The following EXTL1 variants were observed in gnomAD, a reference collection of about 807,000 sequenced individuals.
EXTL1 encodes exostosin-like 1.
A neutral mutation model predicts 64.6 loss-of-function variants in EXTL1; 43 were observed. That is an observed-to-expected ratio of 0.67 (90% confidence interval 0.52 to 0.86). EXTL1 has a LOEUF of 0.86. EXTL1 is among the 40% of genes least tolerant of loss of function. EXTL1 has a pLI of 0.00. For missense variants in EXTL1, 766 were observed against 879.0 expected, an observed-to-expected ratio of 0.87 and a Z score of 1.62; for synonymous variants, 352 against 360.5, an observed-to-expected ratio of 0.98 and a Z score of 0.27.
In EXTL1 at chr1:26,035,044, G is replaced by C; in HGVS notation, c.1848+40G>C. ...GGATTGGTCGGAACTGGCAGGGATT[G>C]GGCGGGGATGCCGGAGAGGATTCCC... On this transcript the variant is annotated intron_variant, in intron 10 of 10. Transcript: ENST00000374280. The surrounding 1 kb of genome is among the most constrained non-coding windows in gnomAD (Gnocchi z 5.3). 1 of 1,608,874 alleles carries C rather than the reference G, an allele frequency of 6.2e-7. No homozygotes were observed. Among genetic ancestry groups the C allele is most frequent in the Non-Finnish European group, 8.5e-7 (1 of 1,176,054 alleles).
At chr1:26,030,402 G>C in intron 3 of EXTL1, 74 bp from the exon 4 acceptor site, 1 of 1,338,392 alleles carries the variant, frequency 7.5e-7, no homozygotes, top group Non-Finnish European at 1.0e-6. Flanking sequence ...GCACGAATAT[G>C]GCTCACTGCA....
At chr1:26,030,687 A>C (rs7413498) in intron 4 of EXTL1, 92 bp downstream of exon 4, 35 of 1,184,126 alleles carry the variant, frequency 3.0e-5, no homozygotes, top group Admixed American at 1.0e-4. Context: ...TGTTTGGGGA[A>C]CCCCCCCCCC....
At chr1:26,027,689 T>TAAA (rs61364586) in intron 1 of EXTL1, among the ~76,000 whole-genome samples, 937 of 57,060 alleles carry the variant, frequency 0.016, 36 homozygotes, top group African/African-American at 0.057. Context: ...ACCCCATCTC[T>TAAA]AAAAAAAAAA....
intron 6 of EXTL1, chr1:26,032,172 A>C (rs2050294105): frequency 2.0e-6 from 1 of 503,022 alleles, no homozygotes; most frequent in South Asian, 2.9e-5. Flanking sequence ...CTGAAGCCAC[A>C]GGTCACTACC....
At chr1:26,032,012 GCA>G (rs2050292358) in intron 6 of EXTL1, 1 of 227,870 alleles carries the variant, frequency 4.4e-6, no homozygotes, top group Admixed American at 5.6e-5. Context: ...CAGCCAGGGT[GCA>G]CACAGGAAGG....
chr1:26,032,443 G>A lies in EXTL1; in HGVS notation c.1389G>A (p.Pro463=), dbSNP rs553884494. The change falls in exon 7 of 11, where the codon CCG becomes CCA. Residue 463 remains proline, a synonymous_variant. Coordinates refer to ENST00000374280, the MANE Select transcript of EXTL1 (RefSeq NM_004455.3). ...SNERPLPSRW[P]ETAVPLTVID... is the part of the protein sequence containing the mutation. Reference sequence around the variant, plus strand: ...AGAGGCCACTCCCATCCAGGTGGCCGGAGACAGCTGTGCCCTTGACAGTCA... The same window carrying A: ...AGAGGCCACTCCCATCCAGGTGGCCAGAGACAGCTGTGCCCTTGACAGTCA... 41 of 1,554,866 alleles carry A rather than the reference G, an allele frequency of 2.6e-5. No individual in the cohort carries two copies. Among genetic ancestry groups the A allele is most frequent in the African/African-American group, 2.7e-5 (2 of 73,380 alleles).
rs1045839736 is a variant in EXTL1 at position 26,035,665 on chromosome 1, C to T, written c.*318C>T. 2.0e-5 allele frequency: 6 copies of T among 297,526 alleles called. No homozygotes were observed. The highest frequency in any genetic ancestry group is 1.9e-4 in the Admixed American group (4 of 21,474). The allele number at this position is 297,526 out of a possible 1,614,324, so 18.4% of individuals were successfully genotyped here. A position where few individuals can be genotyped will look rare whatever the true frequency, so the allele number is the denominator to read the frequency against. On this transcript the variant is annotated 3_prime_UTR_variant, in exon 11 of 11. Transcript: ENST00000374280. The surrounding 1 kb of genome is among the most constrained non-coding windows in gnomAD (Gnocchi z 5.3). ...GACTTGCCTGGCCCTCCTCCCCCTC[C>T]GCCCCCAATGGGTTCGGTCTCCTTT...
rs1202325112 is a variant in EXTL1 at position 26,023,347 on chromosome 1, G to T, written c.701G>T (p.Gly234Val). The T allele has an allele frequency of 6.6e-7, 1 of 1,504,266 alleles. No individual in the cohort carries two copies. Among genetic ancestry groups the T allele is most frequent in the South Asian group, 1.3e-5 (1 of 75,124 alleles). 93.2% of individuals were successfully genotyped at this position (1,504,266 alleles called of 1,614,324 possible). The change falls in exon 1 of 11, where the codon GGT (glycine) becomes GTT (valine). Residue 234 changes from glycine (G) to valine (V), a missense_variant. Gly to Val is a moderately radical substitution (Grantham distance 109, BLOSUM62 -3). Around this residue, in one of 3 missense-constraint regions of EXTL1, gnomAD observed 571 missense variants for 647.6 expected, o/e 0.88. Coordinates refer to ENST00000374280, the MANE Select transcript of EXTL1 (RefSeq NM_004455.3). ...CTGCTAGCCCTGGAAGAGGAGAGGG[G>T]TGGGTGGCGCACAGCAGACACTGGC... Reference protein sequence around the residue: ...VALLALEEERGGWRTADTGSS... With the variant: ...VALLALEEERVGWRTADTGSS...
In EXTL1 at chr1:26,034,755, G is replaced by C. The variant is rs1200260336; in HGVS notation, c.1680-81G>C. The C allele has an allele frequency of 1.7e-5, 24 of 1,413,640 alleles. No individual in the cohort carries two copies. The highest frequency in any genetic ancestry group is 2.3e-5 in the Non-Finnish European group (24 of 1,021,922). The allele number at this position is 1,413,640 out of a possible 1,614,324, so 87.6% of individuals were successfully genotyped here. On this transcript the variant is annotated intron_variant, in intron 9 of 10. Coordinates refer to ENST00000374280, the MANE Select transcript of EXTL1 (RefSeq NM_004455.3). This position sits in a 1 kb window ranked among gnomAD's most constrained non-coding sequence, Gnocchi z 4.6. ...GGCTTGGGGATGGGGGTCAAAGGGA[G>C]AGGTGAGGTCAGGAGGGAGGAGAAT...
chr1:26,033,953 C>A lies in EXTL1; in HGVS notation c.1679+97C>A. The A allele has an allele frequency of 8.7e-7, 1 of 1,146,176 alleles. No homozygotes were observed. Among genetic ancestry groups the A allele is most frequent in the South Asian group, 2.1e-5 (1 of 48,608 alleles). The allele number at this position is 1,146,176 out of a possible 1,614,324, so 71.0% of individuals were successfully genotyped here. A position where few individuals can be genotyped will look rare whatever the true frequency, so the allele number is the denominator to read the frequency against. ...GCAGAGTGGCCTAGACCCCAGGGATCCAGGTTCAAGGCCGAGATCTGCCAC... is the reference window on the plus strand; with the variant it reads ...GCAGAGTGGCCTAGACCCCAGGGATACAGGTTCAAGGCCGAGATCTGCCAC... On this transcript the variant is annotated intron_variant, in intron 9 of 10. Transcript: ENST00000374280. This position sits in a 1 kb window ranked among gnomAD's most constrained non-coding sequence, Gnocchi z 5.1.
Position 26,029,173 on chromosome 1 carries a change from C to T in EXTL1, c.780-20C>T, listed in dbSNP as rs756759540. 2 of 1,593,446 alleles carry T rather than the reference C, an allele frequency of 1.3e-6. No individual in the cohort carries two copies. Among genetic ancestry groups the T allele is most frequent in the African/African-American group, 2.7e-5 (2 of 74,448 alleles). ...TGTCCAGGCTCATGTGTGGTGGGAC[C>T]TCCCCATGTGCCTCTTTAGGACCCA... On this transcript the variant is annotated intron_variant, in intron 1 of 10. Coordinates refer to ENST00000374280, the MANE Select transcript of EXTL1 (RefSeq NM_004455.3).
chr1:26,035,518 T>C lies in EXTL1; in HGVS notation c.*171T>C, dbSNP rs2124415602. The stretch of plus-strand genomic sequence containing the variant: ...ACAACAGGGGGGCGTGGCCTTACCT[T>C]CTCCTGCTCGCCCTCAGCCGCGGAG... On this transcript the variant is annotated 3_prime_UTR_variant, in exon 11 of 11. Coordinates refer to ENST00000374280, the MANE Select transcript of EXTL1 (RefSeq NM_004455.3). This position sits in a 1 kb window ranked among gnomAD's most constrained non-coding sequence, Gnocchi z 5.3. The C allele has an allele frequency of 2.0e-6, 1 of 502,048 alleles. No homozygotes were observed. The highest frequency in any genetic ancestry group is 3.5e-6 in the Non-Finnish European group (1 of 288,898). The allele number at this position is 502,048 out of a possible 1,614,324, so 31.1% of individuals were successfully genotyped here. A position where few individuals can be genotyped will look rare whatever the true frequency, so the allele number is the denominator to read the frequency against.
chr1:26,024,837 G>A (rs1487866394), intron 1 of EXTL1, among the ~76,000 whole-genome samples: 3 of 152,126 alleles, frequency 2.0e-5, no homozygotes, highest in Non-Finnish European at 2.9e-5. Context: ...TTTAGTTACC[G>A]CTAAGCACAG....
rs966947297 is a variant in EXTL1 at position 26,025,841 on chromosome 1, T to A, written c.779+2416T>A. Among the ~76,000 whole-genome samples, 1 of 152,142 alleles carries A rather than the reference T, an allele frequency of 6.6e-6. No individual in the cohort carries two copies. The highest frequency in any genetic ancestry group is 2.4e-5 in the African/African-American group (1 of 41,442). On this transcript the variant is annotated intron_variant, in intron 1 of 10. Transcript: ENST00000374280. This position sits in a 1 kb window ranked among gnomAD's most constrained non-coding sequence, Gnocchi z 5.3. ...CAAGCAATATGTATATTCTCCCCCA[T>A]TTTTTAACATAAATTTGAGGCATGC...
In EXTL1 at chr1:26,034,101, G is replaced by T. The variant is rs1388123536; in HGVS notation, c.1679+245G>T. The stretch of plus-strand genomic sequence containing the variant: ...AACATTAAATGAAGTCCCTGGCACA[G>T]AGGTTCCACAAATGGTAGCTATTGT... On this transcript the variant is annotated intron_variant, in intron 9 of 10. Coordinates refer to ENST00000374280, the MANE Select transcript of EXTL1 (RefSeq NM_004455.3). The surrounding 1 kb of genome is among the most constrained non-coding windows in gnomAD (Gnocchi z 4.6). Among the ~76,000 whole-genome samples, 7 of 152,252 alleles carry T rather than the reference G, an allele frequency of 4.6e-5. No individual in the cohort carries two copies. Among genetic ancestry groups the T allele is most frequent in the Non-Finnish European group, 1.0e-4 (7 of 68,044 alleles).
At chr1:26,023,753 G>T (rs902226276) in intron 1 of EXTL1, among the ~76,000 whole-genome samples, 1 of 152,146 alleles carries the variant, frequency 6.6e-6, no homozygotes, top group Non-Finnish European at 1.5e-5. Flanking sequence ...TCTGTGCTAA[G>T]CACTTATATA....
In EXTL1 at chr1:26,035,792, T is replaced by G; in HGVS notation, c.*445T>G. The stretch of plus-strand genomic sequence containing the variant: ...GGGTCGTGTCGTGTCCTTTTCTCTC[T>G]GGCTAGGCAGGTGTGCCGCAAATAT... On this transcript the variant is annotated 3_prime_UTR_variant, in exon 11 of 11. Transcript: ENST00000374280. The surrounding 1 kb of genome is among the most constrained non-coding windows in gnomAD (Gnocchi z 5.3). The G allele has an allele frequency of 6.2e-6, 1 of 162,300 alleles. No homozygotes were observed. The highest frequency in any genetic ancestry group is 6.3e-5 in the Admixed American group (1 of 15,804). The allele number at this position is 162,300 out of a possible 1,614,324, so 10.1% of individuals were successfully genotyped here. A position where few individuals can be genotyped will look rare whatever the true frequency, so the allele number is the denominator to read the frequency against.
At chr1:26,024,058 G>C (rs1463488315) in intron 1 of EXTL1, among the ~76,000 whole-genome samples, 4 of 152,208 alleles carry the variant, frequency 2.6e-5, no homozygotes, top group African/African-American at 9.7e-5. Flanking sequence ...TTTGGTTATA[G>C]CAAATATGAC....
At chr1:26,026,499 G>A (rs533229259) in intron 1 of EXTL1, among the ~76,000 whole-genome samples, 54 of 152,066 alleles carry the variant, frequency 3.6e-4, no homozygotes, top group African/African-American at 1.3e-3. Flanking sequence ...TCACCATGTT[G>A]GTCAGGCTGG....
Sources: gnomAD v4.1 joint callset for allele counts (sites outside exome capture counted in the v4.1 genomes callset) on GRCh38, gnomAD v4.1.1 for gene constraint, gnomAD v4.1.1 regional missense constraint, Gnocchi (gnomAD v3.1) non-coding constraint, MANE v1.5 for transcripts, NCBI Gene and HGNC (gene_info 2026-07-23, HGNC 2026-07-21) for gene names.